Variants in LRP1B observed in about 807,000 individuals in gnomAD.
LRP1B encodes the protein LDL receptor related protein 1B, also known as low-density lipoprotein receptor-related protein 1B.
In LRP1B, 217 loss-of-function variants were observed where a neutral mutation model predicts 556.6. The ratio of observed to expected loss-of-function variants is 0.39; its 90% confidence interval spans 0.35 to 0.44. The LOEUF is 0.44. LRP1B is among the 20% of genes least tolerant of loss of function. The pLI, the probability that LRP1B is intolerant of heterozygous loss-of-function variation, is 1.00. For missense variants in LRP1B, 5,053 were observed against 5,620.8 expected, an observed-to-expected ratio of 0.90 and a Z score of 3.23; for synonymous variants, 2,047 against 1,865.8, an observed-to-expected ratio of 1.10 and a Z score of -2.50.
chr2:141,690,136 T>C (rs1287408472), intron 2 of LRP1B, among the ~76,000 whole-genome samples: 1 of 151,572 alleles, frequency 6.6e-6, no homozygotes, highest in African/African-American at 2.4e-5. Context: ...TGAATTTCAA[T>C]ACATAGCTTG....
intron 41 of LRP1B, among the ~76,000 whole-genome samples, chr2:140,640,089 G>A (rs977452602): frequency 2.0e-5 from 3 of 151,766 alleles, no homozygotes; most frequent in East Asian, 2.0e-4. Flanking sequence ...TGCAAGCTCC[G>A]CCTCCCGGGT....
intron 7 of LRP1B, among the ~76,000 whole-genome samples, chr2:141,108,228 T>C (rs1449549115): frequency 6.7e-6 from 1 of 149,958 alleles, no homozygotes; most frequent in Non-Finnish European, 1.5e-5. Flanking sequence ...CAATCCAGAA[T>C]CTCCAATAAC....
At chr2:142,031,336 T>TTTTTTTTTTA (rs1553506190) in intron 1 of LRP1B, among the ~76,000 whole-genome samples, 5 of 137,232 alleles carry the variant, frequency 3.6e-5, no homozygotes, top group African/African-American at 1.0e-4. Context: ...ACTTATTTTT[T>TTTTTTTTTTA]TTTTTTTTTT....
At chr2:141,040,207 T>G (rs1260267776) in intron 11 of LRP1B, among the ~76,000 whole-genome samples, 1 of 152,042 alleles carries the variant, frequency 6.6e-6, no homozygotes, top group Non-Finnish European at 1.5e-5. Context: ...AGAGAAAAAG[T>G]TCAGAGTTAA....
At chr2:141,328,742 C>T (rs1236269567) in intron 3 of LRP1B, among the ~76,000 whole-genome samples, 1 of 152,172 alleles carries the variant, frequency 6.6e-6, no homozygotes, top group Non-Finnish European at 1.5e-5. Flanking sequence ...TGTTGCCAGT[C>T]ATTTGTCAGT....
At chr2:141,511,759 A>T (rs1187211776) in intron 2 of LRP1B, among the ~76,000 whole-genome samples, 3 of 152,172 alleles carry the variant, frequency 2.0e-5, no homozygotes, top group Non-Finnish European at 4.4e-5. Flanking sequence ...CTAGCAAATA[A>T]AAAAGGCTTT....
chr2:141,186,059 A>G (rs1172348172), intron 7 of LRP1B, among the ~76,000 whole-genome samples: 1 of 134,966 alleles, frequency 7.4e-6, no homozygotes, highest in Non-Finnish European at 1.6e-5. Context: ...AGCTTGAGCG[A>G]TAGAACGAGA....
At position 141,883,645 on chromosome 2, in the gene LRP1B, G is replaced by C. The variant is rs536911058; in HGVS notation, c.83-73244C>G. ...AGGCTGAGGTAGGAGGATCTCTTGAGCCTAGGAGATCAAGACTGCAGTCAG... is the reference window on the plus strand; with the variant it reads ...AGGCTGAGGTAGGAGGATCTCTTGACCCTAGGAGATCAAGACTGCAGTCAG... On this transcript the variant is annotated intron_variant, in intron 1 of 90. Transcript: ENST00000389484. 5.9e-5 allele frequency among the ~76,000 whole-genome samples: 9 copies of C among 152,230 alleles called. No individual in the cohort carries two copies. The South Asian group carries it at 1.9e-3, about 32-fold the overall frequency.
rs1471442769 is a variant in LRP1B, at chr2:140,823,367, CATCATTAAAT to C, written c.5210-9571_5210-9562del. 2.6e-5 allele frequency among the ~76,000 whole-genome samples: 4 copies of C among 152,076 alleles called. No individual in the cohort carries two copies. In the South Asian group the frequency reaches 8.3e-4, roughly 31 times the overall value. On this transcript the variant is annotated intron_variant, in intron 31 of 90. Transcript: ENST00000389484. ...GTTTGAGCCAGAGCTCACACAGACT[CATCATTAAAT>C]AATAATTACAATAATTGCTTGCAAT...
At chr2:140,945,130 A>G (rs1469017670) in intron 20 of LRP1B, among the ~76,000 whole-genome samples, 3 of 152,180 alleles carry the variant, frequency 2.0e-5, no homozygotes, top group African/African-American at 4.8e-5. Flanking sequence ...GAGATAAATC[A>G]AGAATACAAT....
intron 6 of LRP1B, among the ~76,000 whole-genome samples, chr2:141,211,949 C>T (rs184782760): frequency 6.6e-6 from 1 of 152,152 alleles, no homozygotes; most frequent in Admixed American, 6.5e-5. Context: ...CACATGCACA[C>T]AAACACAAGA....
intron 1 of LRP1B, among the ~76,000 whole-genome samples, chr2:141,834,114 C>A (rs1441787067): frequency 6.6e-6 from 1 of 151,814 alleles, no homozygotes; most frequent in Non-Finnish European, 1.5e-5. Context: ...AGGATGGACA[C>A]TGATGGTACT....
intron 6 of LRP1B, among the ~76,000 whole-genome samples, chr2:141,212,547 G>A (rs1682610456): frequency 6.6e-6 from 1 of 151,412 alleles, no homozygotes. Flanking sequence ...GCCTCCCAGA[G>A]TGCTAGGATT....
At chr2:141,291,428 T>C (rs999296030) in intron 3 of LRP1B, among the ~76,000 whole-genome samples, 24 of 152,156 alleles carry the variant, frequency 1.6e-4, no homozygotes, top group Non-Finnish European at 3.2e-4. Flanking sequence ...ATTTAGAAAA[T>C]TTCTGCTTGC....
intron 23 of LRP1B, among the ~76,000 whole-genome samples, chr2:140,897,756 A>T (rs1431015791): frequency 6.6e-6 from 1 of 151,784 alleles, no homozygotes; most frequent in Non-Finnish European, 1.5e-5. Flanking sequence ...CAGCTTTTGA[A>T]CTCTTGTACC....
chr2:140,793,447 T>C (rs1279184078), intron 32 of LRP1B, among the ~76,000 whole-genome samples: 1 of 152,012 alleles, frequency 6.6e-6, no homozygotes, highest in Non-Finnish European at 1.5e-5. Flanking sequence ...TATTCTGTCC[T>C]TATTATTAAA....
At chr2:141,805,873 A>G (rs943826243) in intron 2 of LRP1B, 1 of 152,120 alleles carries the variant, frequency 6.6e-6, no homozygotes, top group African/African-American at 2.4e-5. Context: ...GACAGGACAG[A>G]GAAGAGTCCA....
intron 1 of LRP1B, among the ~76,000 whole-genome samples, chr2:141,890,880 T>A (rs889806985): frequency 6.6e-6 from 1 of 152,128 alleles, no homozygotes; most frequent in African/African-American, 2.4e-5. Context: ...AAGATTATTG[T>A]TTATGCATTA....
intron 77 of LRP1B, among the ~76,000 whole-genome samples, chr2:140,337,233 T>C (rs1681148164): frequency 1.3e-5 from 2 of 152,034 alleles, no homozygotes; most frequent in Non-Finnish European, 2.9e-5. Context: ...CTGTTTATGA[T>C]CAGTTCTTTG....
Sources: gnomAD v4.1 joint callset for allele counts (sites outside exome capture counted in the v4.1 genomes callset) on GRCh38, gnomAD v4.1.1 for gene constraint, MANE v1.5 for transcripts, NCBI Gene and HGNC (gene_info 2026-07-23, HGNC 2026-07-21) for gene names.